Variants in CCDC57 observed in about 807,000 individuals in gnomAD.
The protein encoded by CCDC57 is coiled-coil domain containing 57.
CCDC57 carries 118 observed loss-of-function variants against 118.9 expected under a neutral mutation model. The observed-to-expected ratio is 0.99, with a 90% CI of 0.86 to 1.16. The LOEUF (loss-of-function observed/expected upper bound fraction) is 1.16, where lower values mean the gene tolerates loss of function less well. CCDC57 is among the 50% of genes most tolerant of loss of function. CCDC57 has a pLI of 0.00. For missense variants in CCDC57, 1,300 were observed against 1,320.7 expected (o/e 0.98, Z 0.24); for synonymous variants, 527 against 532.9 (o/e 0.99, Z 0.15).
intron 13 of CCDC57, among the ~76,000 whole-genome samples, chr17:82,167,469 GC>G (rs2044142409): frequency 6.6e-6 from 1 of 151,758 alleles, no homozygotes; most frequent in South Asian, 2.1e-4. Context: ...TCCTGCCTCA[GC>G]CTCCCAAATA....
chr17:82,131,513 G>A (rs960510954), intron 17 of CCDC57, among the ~76,000 whole-genome samples: 1 of 152,058 alleles, frequency 6.6e-6, no homozygotes, highest in Admixed American at 6.6e-5. Context: ...GGCAGAGGTG[G>A]GCAAATTGCT....
At chr17:82,165,007 T>C (rs1403258374) in intron 13 of CCDC57, among the ~76,000 whole-genome samples, 1 of 152,128 alleles carries the variant, frequency 6.6e-6, no homozygotes, top group Non-Finnish European at 1.5e-5. Context: ...TGAACATAAA[T>C]GTGATAATTC....
intron 16 of CCDC57, among the ~76,000 whole-genome samples, chr17:82,138,852 G>A (rs928233573): frequency 3.9e-5 from 6 of 152,178 alleles, no homozygotes; most frequent in East Asian, 1.9e-4. Context: ...GCTGTCAGCC[G>A]GCAGCAGTCC....
Position 82,107,794 on chromosome 17 carries a change from G to A in CCDC57, c.2900-5928C>T, listed in dbSNP as rs1055536684. Among the ~76,000 whole-genome samples, 6 of 152,314 alleles carry A rather than the reference G, an allele frequency of 3.9e-5. No homozygotes were observed. In the East Asian group the frequency reaches 1.2e-3, roughly 29 times the overall value. On this transcript the variant is annotated intron_variant, in intron 19 of 19. Coordinates refer to ENST00000665763, the Ensembl canonical transcript of CCDC57. ...CCACCTGAGATGGGACTCTGGGAGG[G>A]AACAGCCGCCGGCCCTCCTGCCTCA...
rs1289625909 is a variant in CCDC57, at chr17:82,193,749, C to T, written c.851+7G>A. 1 of 1,589,422 alleles carries T rather than the reference C, an allele frequency of 6.3e-7. No homozygotes were observed. The highest frequency in any genetic ancestry group is 8.6e-7 in the Non-Finnish European group (1 of 1,166,792). ...TGCTGCATGATGTTGGGAGCCGAAA[C>T]ACTCACTTCCTCTTAAATGTTTCCT... On this transcript the variant is annotated splice_region_variant and intron_variant, in intron 7 of 19. Coordinates refer to ENST00000665763, the Ensembl canonical transcript of CCDC57.
intron 4 of CCDC57, among the ~76,000 whole-genome samples, chr17:82,196,719 G>A (rs980422466): frequency 1.3e-5 from 2 of 151,958 alleles, no homozygotes; most frequent in African/African-American, 2.4e-5. Context: ...CATAGACAGA[G>A]CCATTTATTA....
chr17:82,195,218 G>C, intron 5 of CCDC57, 45 bp downstream of exon 4: 1 of 1,455,120 alleles, frequency 6.9e-7, no homozygotes, highest in Non-Finnish European at 9.5e-7. Flanking sequence ...ACCTGACCAA[G>C]GAAAAACCGA....
chr17:82,141,474 C>T (rs1224238351), intron 16 of CCDC57, among the ~76,000 whole-genome samples: 2 of 152,316 alleles, frequency 1.3e-5, no homozygotes, highest in African/African-American at 2.4e-5. Context: ...GCGTGAGCCA[C>T]CGCGACTGCC....
At chr17:82,206,777 C>T (rs146947738) in intron 2 of CCDC57, among the ~76,000 whole-genome samples, 80 of 152,278 alleles carry the variant, frequency 5.3e-4, no homozygotes, top group African/African-American at 1.9e-3. Context: ...GGCCAGGACT[C>T]GCGACTGGTG....
exon 20 of CCDC57, chr17:82,101,645 C>G (rs373655790): frequency 6.5e-7 from 1 of 1,536,764 alleles, no homozygotes; most frequent in East Asian, 2.3e-5. Flanking sequence ...GCGGAGGCCC[C>G]GAGCACCCCT....
chr17:82,195,336 A>G (rs768280732), exon 5 of CCDC57: 2 of 1,599,086 alleles, frequency 1.3e-6, no homozygotes, highest in East Asian at 4.5e-5. Flanking sequence ...CCTCTTCCGC[A>G]TTTTCGATTC....
At chr17:82,173,128 G>T (rs80031443) in intron 11 of CCDC57, among the ~76,000 whole-genome samples, 4,350 of 152,262 alleles carry the variant, frequency 0.029, 100 homozygotes, top group Middle Eastern at 0.12. Context: ...GGGGTGCTGG[G>T]GCTGTGGGCG....
intron 19 of CCDC57, among the ~76,000 whole-genome samples, chr17:82,117,236 C>T (rs1280382282): frequency 6.6e-6 from 1 of 151,788 alleles, no homozygotes; most frequent in East Asian, 1.9e-4. Context: ...GCCATAACCC[C>T]AACTACTCCA....
intron 1 of CCDC57, among the ~76,000 whole-genome samples, chr17:82,210,430 C>T (rs991026930): frequency 4.6e-5 from 7 of 151,404 alleles, no homozygotes; most frequent in South Asian, 2.1e-4. Context: ...CCAGCACTTT[C>T]GGAGGCCAAG....
At chr17:82,151,160 G>T (rs541255468) in intron 16 of CCDC57, among the ~76,000 whole-genome samples, 2 of 71,418 alleles carry the variant, frequency 2.8e-5, no homozygotes, top group Admixed American at 1.9e-4. Context: ...CCTAGAACCA[G>T]GCGCACACCC....
intron 18 of CCDC57, among the ~76,000 whole-genome samples, chr17:82,128,146 C>G (rs927073940): frequency 2.0e-5 from 3 of 152,138 alleles, no homozygotes; most frequent in Non-Finnish European, 4.4e-5. Flanking sequence ...GTGCTCGTCT[C>G]AACACTTAAA....
chr17:82,161,756 G>T (rs1418429633), intron 14 of CCDC57, among the ~76,000 whole-genome samples: 1 of 152,158 alleles, frequency 6.6e-6, no homozygotes, highest in Non-Finnish European at 1.5e-5. Context: ...GGGTGACACT[G>T]CTGTGTGGTT....
intron 7 of CCDC57, among the ~76,000 whole-genome samples, chr17:82,188,785 T>C (rs2047298578): frequency 6.6e-6 from 1 of 152,230 alleles, no homozygotes; most frequent in Non-Finnish European, 1.5e-5. Context: ...CTGCCTTGTA[T>C]CCTGGCAGCC....
chr17:82,110,014 T>G (rs1221234623), intron 19 of CCDC57, among the ~76,000 whole-genome samples: 1 of 146,832 alleles, frequency 6.8e-6, no homozygotes, highest in Non-Finnish European at 1.5e-5. Context: ...AGAGTCTCAC[T>G]CTGTCACCCA....
Sources: allele counts gnomAD v4.1 joint callset (sites outside exome capture counted in the v4.1 genomes callset), GRCh38; gene constraint gnomAD v4.1.1; transcripts MANE v1.5; gene names NCBI Gene and HGNC (gene_info 2026-07-23, HGNC 2026-07-21).